The following ADAMTS2 variants were observed in gnomAD, a reference collection of about 807,000 sequenced individuals.
The protein encoded by ADAMTS2 is ADAM metallopeptidase with thrombospondin type 1 motif 2, also known as A disintegrin and metalloproteinase with thrombospondin motifs 2.
In ADAMTS2, 50 loss-of-function variants were observed where a neutral mutation model predicts 123.0. That is an observed-to-expected ratio of 0.41 (90% CI 0.32 to 0.51). The LOEUF (loss-of-function observed/expected upper bound fraction) is 0.51. Ranked by LOEUF, ADAMTS2 falls within the 20% of genes least tolerant of loss-of-function variation. The pLI is 0.35. For synonymous variants in ADAMTS2, 678 were observed against 695.4 expected, an observed-to-expected ratio of 0.98 and a Z score of 0.39; for missense variants, 1,494 against 1,705.2, an observed-to-expected ratio of 0.88 and a Z score of 2.18.
chr5:179,290,614 T>C (rs979131301), intron 2 of ADAMTS2, among the ~76,000 whole-genome samples: 1 of 152,238 alleles, frequency 6.6e-6, no homozygotes, highest in African/African-American at 2.4e-5. Context: ...CAACTTTTCT[T>C]GCAATTTTTC....
At position 179,129,061 on chromosome 5, in the gene ADAMTS2, G is replaced by A. The variant is rs573609784; in HGVS notation, c.2457+871C>T. Among the ~76,000 whole-genome samples the A allele has an allele frequency of 4.7e-4, 71 of 152,304 alleles. No individual in the cohort carries two copies. Among genetic ancestry groups the A allele is most frequent in the African/African-American group, 1.7e-3 (69 of 41,576 alleles). On this transcript the variant is annotated intron_variant, in intron 16 of 21. Transcript: ENST00000251582. The surrounding 1 kb of genome is among the most constrained non-coding windows in gnomAD (Gnocchi z 4.1). ...CAGGCGACTCACACTTCACCACTCT[G>A]TGCGTGTCCGTTTGGGGCTCACGAA... is the stretch of plus-strand genomic sequence containing the variant.
At chr5:179,297,726 T>C (rs467053) in intron 2 of ADAMTS2, among the ~76,000 whole-genome samples, 62,164 of 151,784 alleles carry the variant, frequency 0.41, 12,967 homozygotes, top group South Asian at 0.59. Flanking sequence ...CGGAGAGCTC[T>C]TGCTCTGAGC....
chr5:179,204,740 C>G (rs1202878982), intron 4 of ADAMTS2, among the ~76,000 whole-genome samples: 1 of 152,236 alleles, frequency 6.6e-6, no homozygotes, highest in Non-Finnish European at 1.5e-5. Flanking sequence ...CCCTCGCCCA[C>G]GCTGCGCTCT....
At chr5:179,183,505 G>T (rs1282869017) in intron 4 of ADAMTS2, among the ~76,000 whole-genome samples, 1 of 152,244 alleles carries the variant, frequency 6.6e-6, no homozygotes, top group East Asian at 1.9e-4. Flanking sequence ...CCTGAGAGGG[G>T]ACAGGTTCCT....
At chr5:179,239,053 C>G (rs548858510) in intron 3 of ADAMTS2, among the ~76,000 whole-genome samples, 33 of 152,208 alleles carry the variant, frequency 2.2e-4, no homozygotes, top group Admixed American at 1.6e-3. Flanking sequence ...TAATAAAAAC[C>G]ATTGAATCGT....
intron 4 of ADAMTS2, among the ~76,000 whole-genome samples, chr5:179,206,228 GAA>G (rs1033184270): frequency 6.6e-6 from 1 of 152,196 alleles, no homozygotes; most frequent in African/African-American, 2.4e-5. Flanking sequence ...CGGTCAAGAG[GAA>G]AGTGAGCATG....
At chr5:179,329,326 C>CAAAAA (rs79153534) in intron 2 of ADAMTS2, among the ~76,000 whole-genome samples, 9 of 85,612 alleles carry the variant, frequency 1.1e-4, no homozygotes, top group East Asian at 3.9e-4. Flanking sequence ...GACTCCGTCT[C>CAAAAA]AAAAAAAAAA....
At chr5:179,237,283 A>C (rs910866540) in intron 3 of ADAMTS2, among the ~76,000 whole-genome samples, 1 of 152,140 alleles carries the variant, frequency 6.6e-6, no homozygotes, top group Non-Finnish European at 1.5e-5. Context: ...TTAAATTAAA[A>C]ATGTAGAAAT....
chr5:179,140,305 A>G (rs1322867131), intron 10 of ADAMTS2, among the ~76,000 whole-genome samples: 1 of 152,232 alleles, frequency 6.6e-6, no homozygotes. Context: ...GTGTCCCCTC[A>G]GCTGGAAGCT....
At chr5:179,298,995 A>G (rs1393456113) in intron 2 of ADAMTS2, among the ~76,000 whole-genome samples, 1 of 152,192 alleles carries the variant, frequency 6.6e-6, no homozygotes, top group African/African-American at 2.4e-5. Flanking sequence ...CCTGTGGATG[A>G]GACCAAAGCC....
intron 10 of ADAMTS2, 95 bp downstream of exon 10, chr5:179,152,041 GGCCCCC>G: frequency 1.9e-6 from 2 of 1,074,766 alleles, no homozygotes; most frequent in Non-Finnish European, 2.8e-6. Context: ...CCCCTGAGAG[GGCCCCC>G]ACCCCCACTT....
At position 179,182,812 on chromosome 5, in the gene ADAMTS2, G is replaced by A. The variant is rs76493025; in HGVS notation, c.892-1657C>T. Among the ~76,000 whole-genome samples, 312 of 152,238 alleles carry A rather than the reference G, an allele frequency of 2.0e-3. 1 individual carries two copies. Among genetic ancestry groups the A allele is most frequent in the African/African-American group, 6.4e-3 (267 of 41,546 alleles). ...GTCACCGTGGCTCCGGGCTGTAGGC[G>A]TCTGGGGAGGGTGGGTCAGCAACCC... On this transcript the variant is annotated intron_variant, in intron 4 of 21. Transcript: ENST00000251582.
chr5:179,190,376 G>A (rs377738605), intron 4 of ADAMTS2, among the ~76,000 whole-genome samples: 49 of 152,234 alleles, frequency 3.2e-4, no homozygotes, highest in South Asian at 8.3e-4. Flanking sequence ...AGCATTTGTC[G>A]TATAGAATGA....
chr5:179,290,010 C>T (rs163493), intron 2 of ADAMTS2, among the ~76,000 whole-genome samples: 5 of 152,022 alleles, frequency 3.3e-5, no homozygotes, highest in Admixed American at 6.5e-5. Context: ...ACCAGACAAC[C>T]GACATGAGTC....
chr5:179,261,522 C>T (rs953757048), intron 3 of ADAMTS2, among the ~76,000 whole-genome samples: 2 of 152,220 alleles, frequency 1.3e-5, no homozygotes, highest in East Asian at 1.9e-4. Context: ...CGCCATCTGC[C>T]GGGTCAGCAA....
rs754973407 is a variant in ADAMTS2, at chr5:179,114,063, G to A, written c.3440C>T (p.Ser1147Phe). 1 of 1,614,144 alleles carries A rather than the reference G, an allele frequency of 6.2e-7. No individual in the cohort carries two copies. Among genetic ancestry groups the A allele is most frequent in the Non-Finnish European group, 8.5e-7 (1 of 1,180,040 alleles). ...GTGATCCTCTGTGGCATTGGTGCTGGAGGCATTGAGAGGGACCTCCAGGGG... is the reference window on the plus strand; with the variant it reads ...GTGATCCTCTGTGGCATTGGTGCTGAAGGCATTGAGAGGGACCTCCAGGGG... The part of the protein sequence containing the change: ...STPLEVPLNA[S>F]STNATEDHPE... The change falls in exon 22 of 22, where the codon TCC (serine) becomes TTC (phenylalanine). Residue 1147 changes from serine (S) to phenylalanine (F), a missense_variant. Coordinates refer to ENST00000251582, the MANE Select transcript of ADAMTS2 (RefSeq NM_014244.5).
intron 10 of ADAMTS2, among the ~76,000 whole-genome samples, chr5:179,143,022 G>C (rs1763195990): frequency 6.6e-6 from 1 of 152,172 alleles, no homozygotes; most frequent in Admixed American, 6.5e-5. Flanking sequence ...TTTCAAAGCA[G>C]CTATAAGTAA....
chr5:179,119,922 T>C (rs1392329921), intron 21 of ADAMTS2, among the ~76,000 whole-genome samples: 1 of 152,136 alleles, frequency 6.6e-6, no homozygotes, highest in Non-Finnish European at 1.5e-5. Flanking sequence ...TATGACATGA[T>C]TCAAAACCCG....
At chr5:179,297,598 T>G (rs1292431875) in intron 2 of ADAMTS2, among the ~76,000 whole-genome samples, 1 of 152,122 alleles carries the variant, frequency 6.6e-6, no homozygotes, top group East Asian at 1.9e-4. Flanking sequence ...AGACCCCGGC[T>G]TCCCTCTCCA....
Sources: allele counts gnomAD v4.1 joint callset (sites outside exome capture counted in the v4.1 genomes callset), GRCh38; gene constraint gnomAD v4.1.1; non-coding constraint Gnocchi (gnomAD v3.1); transcripts MANE v1.5; gene names NCBI Gene and HGNC (gene_info 2026-07-23, HGNC 2026-07-21).